PACSIN1: variants seen among roughly 807,000 people sequenced by gnomAD.
PACSIN1 encodes protein kinase C and casein kinase substrate in neurons protein 1.
In PACSIN1, 15 loss-of-function variants were observed where a neutral mutation model predicts 59.5. The ratio of observed to expected loss-of-function variants is 0.25; its 90% CI spans 0.17 to 0.39. The LOEUF is 0.39. PACSIN1 is among the 10% of genes least tolerant of loss of function. The probability of loss-of-function intolerance (pLI) is 1.00; values close to 1 mark genes in which losing one functional copy is unlikely to be tolerated. For missense variants in PACSIN1, 420 were observed against 580.2 expected (o/e 0.72, Z 2.84); for synonymous variants, 210 against 220.6 (o/e 0.95, Z 0.42).
rs1767533137 is a variant in PACSIN1, at chr6:34,528,707, G to A, written c.286G>A (p.Glu96Lys). The A allele has an allele frequency of 1.2e-6, 2 of 1,614,092 alleles. No homozygotes were observed. Among genetic ancestry groups the A allele is most frequent in the Non-Finnish European group, 1.7e-6 (2 of 1,180,022 alleles). Reference protein sequence around the residue: ...AIMTEADKVSELHQEVKNNLL... With the variant: ...AIMTEADKVSKLHQEVKNNLL... ...AATGACAGAGGCAGACAAGGTGAGC[G>A]AGCTGCACCAGGAGGTGAAGAACAA... The change falls in exon 4 of 10, where the codon GAG (glutamate) becomes AAG (lysine). Residue 96 changes from glutamate (E) to lysine (K), a missense_variant. Transcript: ENST00000244458.
In PACSIN1 at chr6:34,532,603, C is replaced by A. The variant is rs1191835457; in HGVS notation, c.*73C>A. 2.5e-6 allele frequency: 2 copies of A among 791,820 alleles called. No individual in the cohort carries two copies. Among genetic ancestry groups the A allele is most frequent in the East Asian group, 5.5e-5 (2 of 36,376 alleles). The allele number at this position is 791,820 out of a possible 1,614,324, so 49.0% of individuals were successfully genotyped here. A position where few individuals can be genotyped will look rare whatever the true frequency, so the allele number is the denominator to read the frequency against. The stretch of plus-strand genomic sequence containing the variant: ...TCCCCTCCCACTCTCGTCTCCTTCC[C>A]CTCGCCATAGAGTTCCAGACATATT... On this transcript the variant is annotated 3_prime_UTR_variant, in exon 10 of 10. Transcript: ENST00000244458. This position sits in a 1 kb window ranked among gnomAD's most constrained non-coding sequence, Gnocchi z 5.2.
intron 1 of PACSIN1, among the ~76,000 whole-genome samples, chr6:34,497,507 G>C (rs1424231497): frequency 1.3e-5 from 2 of 152,162 alleles, no homozygotes; most frequent in Non-Finnish European, 2.9e-5. Context: ...CTTCTCCAAC[G>C]AGGCTCCTCG....
rs576974951 is a variant in PACSIN1, at chr6:34,468,124, C to G, written c.-64+1854C>G. ...GTCAACATCAGGGAAGCTGGGAAGGCCCAAGCCAGGCCTTCCTCAGCCTCT... is the reference window on the plus strand; with the variant it reads ...GTCAACATCAGGGAAGCTGGGAAGGGCCAAGCCAGGCCTTCCTCAGCCTCT... On this transcript the variant is annotated intron_variant, in intron 1 of 9. Coordinates refer to ENST00000244458, the MANE Select transcript of PACSIN1 (RefSeq NM_020804.5). Among the ~76,000 whole-genome samples, 428 of 152,328 alleles carry G rather than the reference C, an allele frequency of 2.8e-3. 4 individuals carry two copies. The highest frequency in any genetic ancestry group is 9.7e-3 in the African/African-American group (405 of 41,576).
chr6:34,513,770 C>T (rs1003167932), intron 1 of PACSIN1, among the ~76,000 whole-genome samples: 1 of 152,116 alleles, frequency 6.6e-6, no homozygotes, highest in African/African-American at 2.4e-5. Context: ...ACCCCATCCC[C>T]CTTCAGCAGC....
chr6:34,512,862 G>A (rs1288785886), intron 1 of PACSIN1, among the ~76,000 whole-genome samples: 1 of 152,186 alleles, frequency 6.6e-6, no homozygotes, highest in South Asian at 2.1e-4. Flanking sequence ...TTGGCAGACC[G>A]AGGGCTCGAA....
At chr6:34,522,946 T>C (rs566214412) in intron 1 of PACSIN1, among the ~76,000 whole-genome samples, 1 of 152,336 alleles carries the variant, frequency 6.6e-6, no homozygotes, top group African/African-American at 2.4e-5. Flanking sequence ...CCGCCCACAT[T>C]GCATGAGGGC....
At chr6:34,473,260 G>A (rs962536386) in intron 1 of PACSIN1, among the ~76,000 whole-genome samples, 13 of 151,804 alleles carry the variant, frequency 8.6e-5, no homozygotes, top group Non-Finnish European at 1.9e-4. Flanking sequence ...CAGAGTGACA[G>A]CAGGGACAAA....
intron 1 of PACSIN1, among the ~76,000 whole-genome samples, chr6:34,523,589 T>G (rs1767434550): frequency 6.6e-6 from 1 of 152,204 alleles, no homozygotes; most frequent in African/African-American, 2.4e-5. Flanking sequence ...GGTGCCCCTT[T>G]GAAGGGTTGA....
chr6:34,529,113 G>T lies in PACSIN1; in HGVS notation c.456+236G>T, dbSNP rs1767544040. ...ACTGTCCCCAGGAAAGATACCAGCA[G>T]GGGCAGAAGAGCACATTGGCCCCTG... On this transcript the variant is annotated intron_variant, in intron 4 of 9. Coordinates refer to ENST00000244458, the MANE Select transcript of PACSIN1 (RefSeq NM_020804.5). The surrounding 1 kb of genome is among the most constrained non-coding windows in gnomAD (Gnocchi z 6.3). Among the ~76,000 whole-genome samples, 1 of 152,146 alleles carries T rather than the reference G, an allele frequency of 6.6e-6. No homozygotes were observed.
intron 1 of PACSIN1, among the ~76,000 whole-genome samples, chr6:34,496,169 A>G (rs983886392): frequency 1.3e-5 from 2 of 152,372 alleles, no homozygotes; most frequent in African/African-American, 4.8e-5. Flanking sequence ...ACCTGGCTGG[A>G]GAGGCCCAGC....
At chr6:34,517,865 G>A (rs936165736) in intron 1 of PACSIN1, among the ~76,000 whole-genome samples, 1 of 152,224 alleles carries the variant, frequency 6.6e-6, no homozygotes, top group Non-Finnish European at 1.5e-5. Context: ...CCACAAGGGA[G>A]GGGGTTTTCT....
In PACSIN1 at chr6:34,533,823, C is replaced by T. The variant is rs1051215617; in HGVS notation, c.*1293C>T. On this transcript the variant is annotated 3_prime_UTR_variant, in exon 10 of 10. Transcript: ENST00000244458. ...CAAACCTGGGTCAGAGTGAAAGGAC[C>T]TTTGGGGGTGGGTGGGAGCAAAGGG... The T allele has an allele frequency of 6.6e-6, 1 of 152,342 alleles. No homozygotes were observed. Among genetic ancestry groups the T allele is most frequent in the Admixed American group, 6.5e-5 (1 of 15,278 alleles). The allele number at this position is 152,342 out of a possible 1,614,324, so 9.4% of individuals were successfully genotyped here.
At chr6:34,520,638 C>T (rs1291786551) in intron 1 of PACSIN1, among the ~76,000 whole-genome samples, 1 of 152,220 alleles carries the variant, frequency 6.6e-6, no homozygotes, top group African/African-American at 2.4e-5. Context: ...AGGAGGCGCT[C>T]ACAATGGCAC....
chr6:34,481,539 G>A (rs570705293), intron 1 of PACSIN1, among the ~76,000 whole-genome samples: 1 of 152,090 alleles, frequency 6.6e-6, no homozygotes, highest in African/African-American at 2.4e-5. Flanking sequence ...GCGTGGTGGC[G>A]AGCGCCTGTA....
intron 2 of PACSIN1, among the ~76,000 whole-genome samples, chr6:34,526,812 A>C (rs1041668300): frequency 6.6e-6 from 1 of 152,142 alleles, no homozygotes; most frequent in Non-Finnish European, 1.5e-5. Flanking sequence ...GCATTTTCAG[A>C]ACCTTCGGAA....
rs560729898 is a variant in PACSIN1 at position 34,530,066 on chromosome 6, G to A, written c.789-177G>A. The stretch of plus-strand genomic sequence containing the variant: ...TGATGGGTGAATGGCTAAGGTGGGA[G>A]GGAAAAGGAGTCCACCGAGCATGCC... On this transcript the variant is annotated intron_variant, in intron 6 of 9. Coordinates refer to ENST00000244458, the MANE Select transcript of PACSIN1 (RefSeq NM_020804.5). The surrounding 1 kb of genome is among the most constrained non-coding windows in gnomAD (Gnocchi z 4.4). 5.9e-5 allele frequency among the ~76,000 whole-genome samples: 9 copies of A among 152,244 alleles called. No homozygotes were observed. In the East Asian group the frequency reaches 7.7e-4, roughly 13 times the overall value.
Position 34,531,373 on chromosome 6 carries a change from T to C in PACSIN1, c.1038-227T>C, listed in dbSNP as rs1350592801. 6.6e-6 allele frequency among the ~76,000 whole-genome samples: 1 copy of C among 152,182 alleles called. No homozygotes were observed. The highest frequency in any genetic ancestry group is 1.5e-5 in the Non-Finnish European group (1 of 68,036). On this transcript the variant is annotated intron_variant, in intron 8 of 9. Transcript: ENST00000244458. This position sits in a 1 kb window ranked among gnomAD's most constrained non-coding sequence, Gnocchi z 4.4. Reference sequence around the variant, plus strand: ...CCCGGATGAAGGCTCAGATGTGCCCTGGGGTCCCCTTCAATGCCCTCTCCC... The same window carrying C: ...CCCGGATGAAGGCTCAGATGTGCCCCGGGGTCCCCTTCAATGCCCTCTCCC...
At chr6:34,469,834 C>T (rs1055638563) in intron 1 of PACSIN1, among the ~76,000 whole-genome samples, 9 of 152,194 alleles carry the variant, frequency 5.9e-5, no homozygotes, top group African/African-American at 1.4e-4. Flanking sequence ...CAAGATCAAC[C>T]GGAGCCTGGC....
At chr6:34,497,033 C>T (rs1766958043) in intron 1 of PACSIN1, among the ~76,000 whole-genome samples, 1 of 145,980 alleles carries the variant, frequency 6.9e-6, no homozygotes, top group Non-Finnish European at 1.5e-5. Context: ...ACTGCATCCT[C>T]CACCTCCCGG....
Sources: gnomAD v4.1 joint callset for allele counts (sites outside exome capture counted in the v4.1 genomes callset) on GRCh38, gnomAD v4.1.1 for gene constraint, Gnocchi (gnomAD v3.1) non-coding constraint, MANE v1.5 for transcripts, NCBI Gene and HGNC (gene_info 2026-07-23, HGNC 2026-07-21) for gene names.